MED25: variants seen among roughly 807,000 people sequenced by gnomAD.
MED25 encodes mediator complex subunit 25.
In MED25, 62 loss-of-function variants were observed where a neutral mutation model predicts 89.4. The ratio of observed to expected loss-of-function variants is 0.69; its 90% CI spans 0.57 to 0.86. The LOEUF is 0.86. Ranked by LOEUF, MED25 falls within the 40% of genes least tolerant of loss-of-function variation. The pLI is 0.00. For missense variants in MED25, 905 were observed against 1,005.2 expected (o/e 0.90, Z 1.35); for synonymous variants, 449 against 427.9 (o/e 1.05, Z -0.61).
downstream of MED25, chr19:49,837,064 C>T: frequency 2.3e-6 from 2 of 853,990 alleles, no homozygotes; most frequent in South Asian, 1.4e-5. Context: ...CTCACTTCAG[C>T]AGACATCCCT....
chr19:49,818,654 C>A (rs957991329), intron 2 of MED25, 38 bp downstream of exon 2: 1 of 1,593,496 alleles, frequency 6.3e-7, no homozygotes, highest in Non-Finnish European at 8.6e-7. Flanking sequence ...GGAGGAGGGG[C>A]CGGGGGCCTG....
chr19:49,823,803 C>A (rs918572373), intron 3 of MED25, among the ~76,000 whole-genome samples: 4 of 152,232 alleles, frequency 2.6e-5, no homozygotes, highest in African/African-American at 9.6e-5. Context: ...TCATCCTTGG[C>A]CCTAGTGACA....
rs777452872 is a variant in MED25 at position 49,818,294 on chromosome 19, G to C, written c.-48G>C. 6.5e-7 allele frequency: 1 copy of C among 1,547,870 alleles called. No individual in the cohort carries two copies. Among genetic ancestry groups the C allele is most frequent in the South Asian group, 1.2e-5 (1 of 85,386 alleles). On this transcript the variant is annotated 5_prime_UTR_variant, in exon 1 of 18. Coordinates refer to ENST00000312865, the MANE Select transcript of MED25 (RefSeq NM_030973.4). ...GCGCAGGCGCATTTCTGCTCATTCC[G>C]CGGCGTCGGCTGCGGCTGCAGTGGT...
rs1241348689 is a variant in MED25, at chr19:49,834,240, A to T, written c.1483-746A>T. On this transcript the variant is annotated intron_variant, in intron 13 of 17. Transcript: ENST00000312865. This position sits in a 1 kb window ranked among gnomAD's most constrained non-coding sequence, Gnocchi z 4.1. The stretch of plus-strand genomic sequence containing the variant: ...ACTGTCTGGGGCTGGGACATGTTAC[A>T]GCCCCAGACAGCATTGGGAATGCAG... 6.6e-6 allele frequency: 1 copy of T among 152,424 alleles called. No homozygotes were observed. Among genetic ancestry groups the T allele is most frequent in the Non-Finnish European group, 1.5e-5 (1 of 68,226 alleles). 9.4% of individuals were successfully genotyped at this position (152,424 alleles called of 1,614,324 possible).
At chr19:49,837,092 A>T (rs890524408), downstream of MED25, 11 of 734,260 alleles carry the variant, frequency 1.5e-5, no homozygotes, top group Non-Finnish European at 2.7e-5. Flanking sequence ...TGGGTGAATG[A>T]CGCTGGGGCC....
In MED25 at chr19:49,832,959, C is replaced by G. The variant is rs981435348; in HGVS notation, c.1482+544C>G. 2.1e-5 allele frequency: 4 copies of G among 191,606 alleles called. No individual in the cohort carries two copies. The East Asian group carries it at 5.1e-4, about 24-fold the overall frequency. 11.9% of individuals were successfully genotyped at this position (191,606 alleles called of 1,614,324 possible). On this transcript the variant is annotated intron_variant, in intron 13 of 17. Transcript: ENST00000312865. The stretch of plus-strand genomic sequence containing the variant: ...TGTGTGTCTCCACATGGCATTCTCT[C>G]TGTATCTTTGTGTCTGTGCTTATAA...
In MED25 at chr19:49,835,324, GTC is replaced by G; in HGVS notation, c.1674+154_1674+155del. The G allele has an allele frequency of 9.6e-7, 1 of 1,044,254 alleles. No individual in the cohort carries two copies. The highest frequency in any genetic ancestry group is 1.3e-5 in the South Asian group (1 of 75,520). The allele number at this position is 1,044,254 out of a possible 1,614,324, so 64.7% of individuals were successfully genotyped here. On this transcript the variant is annotated intron_variant, in intron 14 of 17. Coordinates refer to ENST00000312865, the MANE Select transcript of MED25 (RefSeq NM_030973.4). The surrounding 1 kb of genome is among the most constrained non-coding windows in gnomAD (Gnocchi z 6.2). ...TAAGTCCCACTCAGATTTTCTTGCA[GTC>G]TCTCTCCTTTTTCAGCATCCACATC...
In MED25 at chr19:49,818,610, G is replaced by C; in HGVS notation, c.174G>C (p.Gly58=). Reference sequence around the variant, plus strand: ...GTCCTCCTGCTGAGACGGACTTCGGGGGAGACGTGAGTCTAGGGACTCCTG... The same window carrying C: ...GTCCTCCTGCTGAGACGGACTTCGGCGGAGACGTGAGTCTAGGGACTCCTG... ...NGGPPAETDF[G]GDYGGTQYSL... is the part of the protein sequence containing the mutation. The change falls in exon 2 of 18, where the codon GGG becomes GGC. Residue 58 remains glycine (G), a synonymous_variant. Coordinates refer to ENST00000312865, the MANE Select transcript of MED25 (RefSeq NM_030973.4). 2 of 1,614,072 alleles carry C rather than the reference G, an allele frequency of 1.2e-6. No homozygotes were observed. Among genetic ancestry groups the C allele is most frequent in the Non-Finnish European group, 1.7e-6 (2 of 1,180,008 alleles).
At chr19:49,828,673 C>A in intron 4 of MED25, 126 bp downstream of exon 4, 2 of 955,266 alleles carry the variant, frequency 2.1e-6, no homozygotes, top group Non-Finnish European at 3.3e-6. Context: ...CCCAAGCACG[C>A]TGAGCCAGGA....
At position 49,836,361 on chromosome 19, in the gene MED25, G is replaced by C; in HGVS notation, c.2101G>C (p.Ala701Pro). The C allele has an allele frequency of 6.2e-7, 1 of 1,607,998 alleles. No individual in the cohort carries two copies. Residue 701 changes from alanine to proline, a missense_variant, in exon 17 of 18, where the codon GCC becomes CCC. Ala to Pro is a conservative substitution (Grantham distance 27, BLOSUM62 -1). Coordinates refer to ENST00000312865, the MANE Select transcript of MED25 (RefSeq NM_030973.4). The surrounding 1 kb of genome is among the most constrained non-coding windows in gnomAD (Gnocchi z 5.1). ...GCCCCCACTCCTGCATCCACCACCT[G>C]CCCAGTCCTGGCCCGCACAACTTCC... ...LGPPLLHPPP[A>P]QSWPAQLPPR... is the part of the protein sequence containing the mutation.
At chr19:49,824,578 C>T (rs1434753268) in intron 3 of MED25, among the ~76,000 whole-genome samples, 3 of 147,708 alleles carry the variant, frequency 2.0e-5, no homozygotes, top group Non-Finnish European at 3.0e-5. Context: ...GAGCGAGACC[C>T]TGTCTCGGGA....
intron 3 of MED25, chr19:49,819,659 C>G: frequency 8.5e-6 from 3 of 352,836 alleles, no homozygotes; most frequent in South Asian, 6.6e-5. Flanking sequence ...TCAGGGAGGC[C>G]TGGCTGAGCT....
In MED25 at chr19:49,830,174, G is replaced by A; in HGVS notation, c.775G>A (p.Ala259Thr). Reference sequence around the variant, plus strand: ...CGCACCCTCAGGTGCCACTCTCTCAGCAGCCCCCCAGCAGCCTCTGCCCCC... The same window carrying A: ...CGCACCCTCAGGTGCCACTCTCTCAACAGCCCCCCAGCAGCCTCTGCCCCC... ...PAAPSGATLS[A>T]APQQPLPPVP... Residue 259 changes from alanine (A) to threonine (T), a missense_variant, in exon 7 of 18, where the codon GCA becomes ACA. Ala to Thr is a moderately conservative substitution (Grantham distance 58). Coordinates refer to ENST00000312865, the MANE Select transcript of MED25 (RefSeq NM_030973.4). This position sits in a 1 kb window ranked among gnomAD's most constrained non-coding sequence, Gnocchi z 4.6. 6.2e-7 allele frequency: 1 copy of A among 1,602,308 alleles called. No homozygotes were observed. The highest frequency in any genetic ancestry group is 2.2e-5 in the East Asian group (1 of 44,788).
At chr19:49,825,724 G>A (rs1035135978) in intron 3 of MED25, among the ~76,000 whole-genome samples, 3 of 151,914 alleles carry the variant, frequency 2.0e-5, no homozygotes, top group South Asian at 4.1e-4. Flanking sequence ...CCAGCTACTC[G>A]GGAGGCTGAG....
chr19:49,822,939 G>A (rs923756823), intron 3 of MED25, among the ~76,000 whole-genome samples: 19 of 151,942 alleles, frequency 1.3e-4, no homozygotes, highest in Admixed American at 1.3e-4. Context: ...GAGCCACCGC[G>A]CCTGGCCTAC....
chr19:49,830,742 C>T lies in MED25; in HGVS notation c.956C>T (p.Pro319Leu), dbSNP rs139822988. The T allele has an allele frequency of 2.5e-5, 41 of 1,613,728 alleles. No homozygotes were observed. The highest frequency in any genetic ancestry group is 4.4e-5 in the South Asian group (4 of 91,084). ...LQQAAPGVGPPFSQAPAPQLP... is the reference protein window; with the variant it reads ...LQQAAPGVGPLFSQAPAPQLP... The stretch of plus-strand genomic sequence containing the variant: ...CAAGCTGCTCCCGGAGTGGGTCCCC[C>T]CTTCAGCCAGGCCCCAGCTCCCCAA... The change falls in exon 9 of 18, where the codon CCC becomes CTC. Residue 319 changes from proline to leucine, a missense_variant. Pro to Leu is a moderately conservative substitution (Grantham distance 98). This residue lies in a region of MED25 where 501 missense variants were observed against 526.9 expected (regional missense o/e 0.95). Transcript: ENST00000312865. This position sits in a 1 kb window ranked among gnomAD's most constrained non-coding sequence, Gnocchi z 4.6.
rs750693580 is a variant in MED25 at position 49,831,282 on chromosome 19, A to C, written c.1102-51A>C. 4 of 1,586,584 alleles carry C rather than the reference A, an allele frequency of 2.5e-6. No homozygotes were observed. Among genetic ancestry groups the C allele is most frequent in the Non-Finnish European group, 3.4e-6 (4 of 1,168,348 alleles). On this transcript the variant is annotated intron_variant, in intron 9 of 17. Transcript: ENST00000312865. The surrounding 1 kb of genome is among the most constrained non-coding windows in gnomAD (Gnocchi z 5.0). The stretch of plus-strand genomic sequence containing the variant: ...TTTGCCCTCACAGGATGGCCCCCGG[A>C]GGCTCCCGGCCTTCCCCATTCTCAT...
rs1568625290 is a variant in MED25, at chr19:49,835,286, G to C, written c.1674+109G>C. ...GATGCCCACCCTTCTCCCAATATGT[G>C]GTGCCTCCAAGCTAAGTCCCACTCA... On this transcript the variant is annotated intron_variant, in intron 14 of 17. Coordinates refer to ENST00000312865, the MANE Select transcript of MED25 (RefSeq NM_030973.4). The surrounding 1 kb of genome is among the most constrained non-coding windows in gnomAD (Gnocchi z 6.2). The C allele has an allele frequency of 3.2e-6, 4 of 1,246,496 alleles. No individual in the cohort carries two copies. The Admixed American group carries it at 5.2e-5, about 16-fold the overall frequency. The allele number at this position is 1,246,496 out of a possible 1,614,324, so 77.2% of individuals were successfully genotyped here. A position where few individuals can be genotyped will look rare whatever the true frequency, so the allele number is the denominator to read the frequency against.
rs750211605 is a variant in MED25, at chr19:49,835,550, C to T, written c.1691C>T (p.Ala564Val). The change falls in exon 15 of 18, where the codon GCA becomes GTA. Residue 564 changes from alanine (A) to valine (V), a missense_variant. Transcript: ENST00000312865. This position sits in a 1 kb window ranked among gnomAD's most constrained non-coding sequence, Gnocchi z 6.2. ...CCCGTGCAGATGGGGGGACAGCAGG[C>T]ACCCCCAGGGCTGGGGCCCATTCTG... ...QQQRGMGGQQ[A>V]PPGLGPILED... 9.0e-6 allele frequency: 14 copies of T among 1,563,372 alleles called. 1 individual carries two copies. The highest frequency in any genetic ancestry group is 2.1e-4 in the Middle Eastern group (1 of 4,742).
Sources: allele counts gnomAD v4.1 joint callset (sites outside exome capture counted in the v4.1 genomes callset), GRCh38; gene constraint gnomAD v4.1.1; regional missense constraint gnomAD v4.1.1; non-coding constraint Gnocchi (gnomAD v3.1); transcripts MANE v1.5; gene names NCBI Gene and HGNC (gene_info 2026-07-23, HGNC 2026-07-21).